The following PARP2 variants were observed in gnomAD, a reference collection of about 807,000 sequenced individuals.
The protein encoded by PARP2 is poly [ADP-ribose] polymerase 2.
PARP2 carries 57 observed loss-of-function variants against 77.8 expected under a neutral mutation model. The ratio of observed to expected loss-of-function variants is 0.73; its 90% confidence interval spans 0.59 to 0.91. The LOEUF (loss-of-function observed/expected upper bound fraction) is 0.91. PARP2 is among the 40% of genes least tolerant of loss of function. PARP2 has a pLI of 0.00. For missense variants in PARP2, 651 were observed against 689.0 expected (o/e 0.94, Z 0.62); for synonymous variants, 226 against 242.6 (o/e 0.93, Z 0.64).
At chr14:20,356,554 G>C in intron 12 of PARP2, 36 bp from the exon 13 acceptor site, 1 of 1,598,190 alleles carries the variant, frequency 6.3e-7, no homozygotes, top group Non-Finnish European at 8.6e-7. Flanking sequence ...TATCTGTGCA[G>C]AACAACAGAG....
Position 20,356,595 on chromosome 14 carries a change from T to C in PARP2, c.1235T>C (p.Leu412Pro), listed in dbSNP as rs375761490. ...TAATATTGGCTTTTCCTTAGGATGCTTCTATGGCATGGTTCCAGGATGAGT... is the reference window on the plus strand; with the variant it reads ...TAATATTGGCTTTTCCTTAGGATGCCTCTATGGCATGGTTCCAGGATGAGT... ...AFREDLHNRMLLWHGSRMSNW... is the reference protein window; with the variant it reads ...AFREDLHNRMPLWHGSRMSNW... The change falls in exon 13 of 16, where the codon CTT (leucine) becomes CCT (proline). Residue 412 changes from leucine (L) to proline (P), a missense_variant. Coordinates refer to ENST00000429687, the MANE Select transcript of PARP2 (RefSeq NM_001042618.2). 4.2e-5 allele frequency: 67 copies of C among 1,613,884 alleles called. No homozygotes were observed. In the Middle Eastern group the frequency reaches 2.0e-3, roughly 48 times the overall value.
Position 20,354,860 on chromosome 14 carries a change from T to G in PARP2, c.815T>G (p.Ile272Ser), listed in dbSNP as rs371236543. ...GCAGGTTACCAGTCTCTTAAGAAGA[T>G]TGAGGATTGTATTCGGGCTGGCCAG... ...IKAGYQSLKK[I>S]EDCIRAGQHG... The change falls in exon 9 of 16, where the codon ATT (isoleucine) becomes AGT (serine). Residue 272 changes from isoleucine (I) to serine (S), a missense_variant. Physicochemically the swap from Ile to Ser is moderately radical, Grantham distance 142 (BLOSUM62 -2). Transcript: ENST00000429687. 1 of 1,613,842 alleles carries G rather than the reference T, an allele frequency of 6.2e-7. No individual in the cohort carries two copies. The highest frequency in any genetic ancestry group is 1.1e-5 in the South Asian group (1 of 91,054).
intron 4 of PARP2, among the ~76,000 whole-genome samples, chr14:20,349,596 C>A (rs1194268260): frequency 2.0e-5 from 3 of 152,080 alleles, no homozygotes; most frequent in Admixed American, 6.6e-5. Context: ...ATTGCTTGAA[C>A]CTAGGACACA....
At chr14:20,355,086 T>C (rs1884096572) in intron 9 of PARP2, 139 bp downstream of exon 9, 1 of 756,650 alleles carries the variant, frequency 1.3e-6, no homozygotes, top group Non-Finnish European at 2.1e-6. Flanking sequence ...CAAAATGATA[T>C]ATAGGTAGCC....
chr14:20,345,451 C>G lies in PARP2; in HGVS notation c.260C>G (p.Ala87Gly), dbSNP rs757871017. ...GKAPVDPECT[A>G]KVGKAHVYCE... is the part of the protein sequence containing the mutation. ...GCTCCTGTGGACCCAGAGTGTACAGCCAAGGTGGGGAAGGTAAGAGACTCT... is the reference window on the plus strand; with the variant it reads ...GCTCCTGTGGACCCAGAGTGTACAGGCAAGGTGGGGAAGGTAAGAGACTCT... Residue 87 changes from alanine to glycine, a missense_variant, in exon 3 of 16, where the codon GCC becomes GGC. Transcript: ENST00000429687. 56 of 1,613,130 alleles carry G rather than the reference C, an allele frequency of 3.5e-5. No homozygotes were observed. Among genetic ancestry groups the G allele is most frequent in the Non-Finnish European group, 4.6e-5 (54 of 1,179,168 alleles).
intron 2 of PARP2, 122 bp from the exon 3 acceptor site, chr14:20,345,272 A>T: frequency 9.5e-7 from 1 of 1,052,594 alleles, no homozygotes; most frequent in East Asian, 2.4e-5. Context: ...TTTGAGATGG[A>T]TTGGGGTCTA....
In PARP2 at chr14:20,345,078, A is replaced by T. The variant is rs1305159041; in HGVS notation, c.193A>T (p.Lys65Ter). ...AGCTAATAAGGACAGGACAGAAGAC[A>T]AGCAAGATGGTATGCCAGGAAGGTC... is the stretch of plus-strand genomic sequence containing the variant. ...GKANKDRTED[K>*]QDESVKALLL... is the part of the protein sequence containing the mutation. The change falls in exon 2 of 16, where the codon AAG becomes TAG. Residue 65 changes from lysine to a stop codon, truncating the protein, a stop_gained. Coordinates refer to ENST00000429687, the MANE Select transcript of PARP2 (RefSeq NM_001042618.2). LOFTEE classifies it high-confidence loss of function. 4.3e-6 allele frequency: 7 copies of T among 1,614,204 alleles called. No homozygotes were observed. Among genetic ancestry groups the T allele is most frequent in the Non-Finnish European group, 4.2e-6 (5 of 1,180,006 alleles).
chr14:20,351,073 G>A lies in PARP2; in HGVS notation c.448G>A (p.Val150Met), dbSNP rs149905379. 2.4e-4 allele frequency: 392 copies of A among 1,614,072 alleles called. No homozygotes were observed. The highest frequency in any genetic ancestry group is 4.8e-4 in the South Asian group (44 of 91,084). The change falls in exon 6 of 16, where the codon GTG becomes ATG. Residue 150 changes from valine (V) to methionine (M), a missense_variant. Val to Met is a conservative substitution (Grantham distance 21). Transcript: ENST00000429687. Reference protein sequence around the residue: ...RVGKMGQHSLVACSGNLNKAK... With the variant: ...RVGKMGQHSLMACSGNLNKAK... ...TGGGAAAATGGGACAGCACAGCCTG[G>A]TGGCTTGTTCAGGCAATCTCAACAA...
chr14:20,351,146 A>T, intron 6 of PARP2, 24 bp downstream of exon 6: 1 of 1,573,960 alleles, frequency 6.4e-7, no homozygotes, highest in African/African-American at 1.3e-5. Flanking sequence ...AGTGACTACA[A>T]AAAAATATAC....
Position 20,355,117 on chromosome 14 carries a change from A to G in PARP2, c.902+170A>G, listed in dbSNP as rs902159465. ...TAGCCTATTTAATCAGCTTACAAAT[A>G]TGGGATGCAATCTCCCGGCTTGACC... On this transcript the variant is annotated intron_variant, in intron 9 of 15. Transcript: ENST00000429687. The G allele has an allele frequency of 1.0e-5, 6 of 585,488 alleles. No homozygotes were observed. In the African/African-American group the frequency reaches 1.1e-4, roughly 11 times the overall value. The allele number at this position is 585,488 out of a possible 1,614,324, so 36.3% of individuals were successfully genotyped here.
intron 4 of PARP2, among the ~76,000 whole-genome samples, chr14:20,347,766 A>G (rs1173396010): frequency 2.0e-5 from 3 of 151,808 alleles, no homozygotes; most frequent in Non-Finnish European, 4.4e-5. Context: ...ACTCAGCCCT[A>G]GCACACTCTT....
intron 4 of PARP2, among the ~76,000 whole-genome samples, chr14:20,349,568 G>A (rs971213824): frequency 2.6e-5 from 4 of 151,898 alleles, no homozygotes; most frequent in African/African-American, 9.7e-5. Context: ...AGCTACTAGG[G>A]AGGCTGAGGC....
intron 3 of PARP2, among the ~76,000 whole-genome samples, chr14:20,345,860 A>G (rs1448527006): frequency 3.9e-5 from 6 of 151,996 alleles, no homozygotes; most frequent in African/African-American, 1.5e-4. Flanking sequence ...AGAGAGAGAG[A>G]CAGAGAGAAA....
chr14:20,355,530 A>C (rs561145921), intron 9 of PARP2: 16 of 350,132 alleles, frequency 4.6e-5, no homozygotes, highest in African/African-American at 2.6e-4. Context: ...CTAGTCTCAA[A>C]AGTCAAAATC....
intron 7 of PARP2, chr14:20,352,568 T>TTTTTTTTTTTTTTTTG (rs10695113): frequency 3.7e-5 from 11 of 297,108 alleles, no homozygotes; most frequent in South Asian, 8.0e-5. Context: ...CTTTTTTTTT[T>TTTTTTTTTTTTTTTTG]GTAAAGATGA....
intron 13 of PARP2, 125 bp downstream of exon 13, chr14:20,356,814 A>G: frequency 1.3e-6 from 1 of 783,564 alleles, no homozygotes; most frequent in African/African-American, 1.7e-5. Flanking sequence ...CTCACTGATA[A>G]CCTTGTCATC....
intron 7 of PARP2, among the ~76,000 whole-genome samples, chr14:20,353,247 T>G (rs1044876120): frequency 2.0e-5 from 3 of 151,904 alleles, no homozygotes; most frequent in African/African-American, 7.3e-5. Context: ...TTTTTTTGTT[T>G]TTGTTTTTTT....
At position 20,347,340 on chromosome 14, in the gene PARP2, C is replaced by T. The variant is rs181528837; in HGVS notation, c.324+427C>T. 5.8e-3 allele frequency among the ~76,000 whole-genome samples: 501 copies of T among 86,334 alleles called. 16 individuals are homozygous for T. The highest frequency in any genetic ancestry group is 0.027 in the African/African-American group (431 of 16,120). The allele number at this position is 86,334 out of a possible 152,430, so 56.6% of individuals were successfully genotyped here. ...AAGCCACCACGCCTTGCCTAAAGTC[C>T]TTCATATGTGTGTGTGTATATATAT... On this transcript the variant is annotated intron_variant, in intron 4 of 15. Transcript: ENST00000429687.
rs1244487469 is a variant in PARP2 at position 20,345,028 on chromosome 14, A to C, written c.143A>C (p.Lys48Thr). ...KTRRCQRQES[K>T]KMPVAGGKAN... Reference sequence around the variant, plus strand: ...CGTAGATGCCAGAGACAGGAGTCGAAAAAGATGCCTGTGGCTGGAGGAAAA... The same window carrying C: ...CGTAGATGCCAGAGACAGGAGTCGACAAAGATGCCTGTGGCTGGAGGAAAA... The change falls in exon 2 of 16, where the codon AAA becomes ACA. Residue 48 changes from lysine to threonine, a missense_variant. By Grantham distance (78) the Lys-to-Thr change is moderately conservative. Transcript: ENST00000429687. 8.7e-6 allele frequency: 14 copies of C among 1,613,924 alleles called. No homozygotes were observed. Among genetic ancestry groups the C allele is most frequent in the Non-Finnish European group, 1.2e-5 (14 of 1,179,874 alleles).
Sources: allele counts gnomAD v4.1 joint callset (sites outside exome capture counted in the v4.1 genomes callset), GRCh38; gene constraint gnomAD v4.1.1; transcripts MANE v1.5; gene names NCBI Gene and HGNC (gene_info 2026-07-23, HGNC 2026-07-21).